Variants in SOBP observed in about 807,000 individuals in gnomAD.
The protein encoded by SOBP is sine oculis-binding protein homolog.
In SOBP, 4 loss-of-function variants were observed where a neutral mutation model predicts 53.6. That is an observed-to-expected ratio of 0.07 (90% CI 0.04 to 0.17). The LOEUF is 0.17. Ranked by LOEUF, SOBP falls within the 10% of genes least tolerant of loss-of-function variation. SOBP has a pLI of 1.00. For missense variants in SOBP, 1,088 were observed against 1,204.7 expected, an observed-to-expected ratio of 0.90 and a Z score of 1.43; for synonymous variants, 584 against 522.6, an observed-to-expected ratio of 1.12 and a Z score of -1.60.
At chr6:107,621,021 T>C (rs576258264) in intron 5 of SOBP, 53 of 214,594 alleles carry the variant, frequency 2.5e-4, no homozygotes, top group African/African-American at 1.2e-3. Flanking sequence ...ACAACTGATA[T>C]GTAATTGTTG....
In SOBP at chr6:107,635,235, G is replaced by A. The variant is rs925324994; in HGVS notation, c.2391G>A (p.Ala797=). The A allele has an allele frequency of 6.2e-7, 1 of 1,613,720 alleles. No homozygotes were observed. Among genetic ancestry groups the A allele is most frequent in the African/African-American group, 1.3e-5 (1 of 74,892 alleles). The change falls in exon 6 of 7, where the codon GCG becomes GCA. Residue 797 remains alanine, a synonymous_variant. Transcript: ENST00000317357. The surrounding 1 kb of genome is among the most constrained non-coding windows in gnomAD (Gnocchi z 4.5). ...AGCTGATGGGCGAGGAGGCCCTGGC[G>A]GGGGGCGACAAGTCAGACCCGAACC... ...AKKLMGEEAL[A]GGDKSDPNLN... is the part of the protein sequence containing the mutation.
At chr6:107,610,565 G>A (rs1277596572) in intron 5 of SOBP, among the ~76,000 whole-genome samples, 1 of 152,184 alleles carries the variant, frequency 6.6e-6, no homozygotes, top group Non-Finnish European at 1.5e-5. Context: ...CAGAATAGTT[G>A]AATCAGAATC....
At chr6:107,497,252 T>A (rs918836098) in intron 1 of SOBP, among the ~76,000 whole-genome samples, 25 of 152,212 alleles carry the variant, frequency 1.6e-4, no homozygotes, top group Admixed American at 4.6e-4. Context: ...TTATAAATTG[T>A]TTGGAATTGG....
intron 2 of SOBP, among the ~76,000 whole-genome samples, chr6:107,505,910 C>G (rs1782979028): frequency 6.6e-6 from 1 of 152,180 alleles, no homozygotes; most frequent in African/African-American, 2.4e-5. Context: ...CTTGGCCTCC[C>G]AAAGTACTGG....
At chr6:107,536,924 A>G (rs1345474073) in intron 4 of SOBP, among the ~76,000 whole-genome samples, 4 of 152,342 alleles carry the variant, frequency 2.6e-5, no homozygotes, top group African/African-American at 9.6e-5. Flanking sequence ...ACAGCGGGTA[A>G]GAAAAATACT....
At position 107,621,162 on chromosome 6, in the gene SOBP, T is replaced by G. The variant is rs1395874286; in HGVS notation, c.670-12352T>G. Reference sequence around the variant, plus strand: ...AATTTATTGGAGGAAAGGAGCTATATAAATAACAGGTGTGTTTAAATATAT... The same window carrying G: ...AATTTATTGGAGGAAAGGAGCTATAGAAATAACAGGTGTGTTTAAATATAT... On this transcript the variant is annotated intron_variant, in intron 5 of 6. Transcript: ENST00000317357. The G allele has an allele frequency of 1.6e-5, 13 of 814,134 alleles. No individual in the cohort carries two copies. The East Asian group carries it at 1.3e-3, about 78-fold the overall frequency. 50.4% of individuals were successfully genotyped at this position (814,134 alleles called of 1,614,324 possible). A position where few individuals can be genotyped will look rare whatever the true frequency, so the allele number is the denominator to read the frequency against.
intron 5 of SOBP, among the ~76,000 whole-genome samples, chr6:107,609,697 C>T (rs1439883765): frequency 1.3e-5 from 2 of 152,040 alleles, no homozygotes; most frequent in Non-Finnish European, 2.9e-5. Flanking sequence ...TGCCTAGCTC[C>T]GTTATGCATA....
chr6:107,635,062 C>A lies in SOBP; in HGVS notation c.2218C>A (p.Pro740Thr), dbSNP rs1770960174. ...CGCCGAGGGCGCTAAGAGCGCGGAG[C>A]CGCCTCCCGAGCAGCCGCCGCCGCC... The part of the protein sequence containing the change: ...AAAEGAKSAE[P>T]PPEQPPPPPP... The change falls in exon 6 of 7, where the codon CCG becomes ACG. Residue 740 changes from proline (P) to threonine (T), a missense_variant. Transcript: ENST00000317357. This position sits in a 1 kb window ranked among gnomAD's most constrained non-coding sequence, Gnocchi z 4.5. 1.3e-6 allele frequency: 2 copies of A among 1,533,790 alleles called. No individual in the cohort carries two copies. The highest frequency in any genetic ancestry group is 1.8e-6 in the Non-Finnish European group (2 of 1,140,360).
rs906684628 is a variant in SOBP, at chr6:107,633,997, A to G, written c.1153A>G (p.Met385Val). 6.2e-7 allele frequency: 1 copy of G among 1,613,824 alleles called. No individual in the cohort carries two copies. Residue 385 changes from methionine (M) to valine (V), a missense_variant, in exon 6 of 7, where the codon ATG (methionine) becomes GTG (valine). By Grantham distance (21) the Met-to-Val change is conservative (BLOSUM62 1). Transcript: ENST00000317357. ...PLGVPPRSPP[M>V]VMTNRGPVPL... ...TGGCGTCCCGCCTCGGAGCCCTCCCATGGTGATGACCAACCGCGGCCCGGT... is the reference window on the plus strand; with the variant it reads ...TGGCGTCCCGCCTCGGAGCCCTCCCGTGGTGATGACCAACCGCGGCCCGGT...
chr6:107,540,751 C>T (rs1278066519), intron 4 of SOBP, among the ~76,000 whole-genome samples: 1 of 152,126 alleles, frequency 6.6e-6, no homozygotes, highest in Non-Finnish European at 1.5e-5. Flanking sequence ...AAGTCCATGT[C>T]CAGCAGTCAC....
intron 4 of SOBP, among the ~76,000 whole-genome samples, chr6:107,555,162 C>G (rs547331262): frequency 6.7e-6 from 1 of 150,026 alleles, no homozygotes; most frequent in East Asian, 2.0e-4. Context: ...CACGCACCTT[C>G]TCAGTGACAG....
chr6:107,563,511 A>G (rs1435125485), intron 4 of SOBP, among the ~76,000 whole-genome samples: 1 of 152,168 alleles, frequency 6.6e-6, no homozygotes, highest in East Asian at 1.9e-4. Flanking sequence ...AAAACTCTGT[A>G]TTTTAGGAAA....
At chr6:107,546,402 A>T (rs1216103037) in intron 4 of SOBP, among the ~76,000 whole-genome samples, 5 of 152,248 alleles carry the variant, frequency 3.3e-5, no homozygotes, top group Admixed American at 6.5e-5. Flanking sequence ...TCCAAAACAT[A>T]TGAAGGAAAT....
At chr6:107,587,824 G>A (rs769092738) in intron 5 of SOBP, among the ~76,000 whole-genome samples, 26 of 152,230 alleles carry the variant, frequency 1.7e-4, no homozygotes, top group South Asian at 8.3e-4. Context: ...AAGCAGGAAT[G>A]CCTATTATAT....
chr6:107,581,177 T>C (rs919621360), intron 4 of SOBP, among the ~76,000 whole-genome samples: 2 of 151,988 alleles, frequency 1.3e-5, no homozygotes, highest in African/African-American at 4.8e-5. Flanking sequence ...ATGCAATAAA[T>C]TGGTGTGGAA....
chr6:107,538,727 A>G (rs1212541717), intron 4 of SOBP, among the ~76,000 whole-genome samples: 1 of 152,162 alleles, frequency 6.6e-6, no homozygotes, highest in Non-Finnish European at 1.5e-5. Flanking sequence ...TGGTCATAGC[A>G]AACGGGTGTT....
chr6:107,618,821 G>C (rs531198889), intron 5 of SOBP, among the ~76,000 whole-genome samples: 27 of 152,190 alleles, frequency 1.8e-4, no homozygotes, highest in Non-Finnish European at 3.5e-4. Flanking sequence ...TCACGCCATA[G>C]GTACTGGTAT....
chr6:107,556,169 G>C (rs1343664312), intron 4 of SOBP, among the ~76,000 whole-genome samples: 1 of 152,176 alleles, frequency 6.6e-6, no homozygotes, highest in East Asian at 1.9e-4. Flanking sequence ...TAATGTAATA[G>C]GGATGTTATA....
chr6:107,635,588 C>T lies in SOBP; in HGVS notation c.*3+119C>T. On this transcript the variant is annotated intron_variant, in intron 6 of 6. Transcript: ENST00000317357. The surrounding 1 kb of genome is among the most constrained non-coding windows in gnomAD (Gnocchi z 4.5). The stretch of plus-strand genomic sequence containing the variant: ...ATTTTACCGTGTGTGTTTTATATTG[C>T]ACACGGTGTGGTCACGCTATCAACA... 5.8e-6 allele frequency: 8 copies of T among 1,370,436 alleles called. No homozygotes were observed. The South Asian group carries it at 9.6e-5, about 16-fold the overall frequency. The allele number at this position is 1,370,436 out of a possible 1,614,324, so 84.9% of individuals were successfully genotyped here.
Sources: gnomAD v4.1 joint callset for allele counts (sites outside exome capture counted in the v4.1 genomes callset) on GRCh38, gnomAD v4.1.1 for gene constraint, Gnocchi (gnomAD v3.1) non-coding constraint, MANE v1.5 for transcripts, NCBI Gene and HGNC (gene_info 2026-07-23, HGNC 2026-07-21) for gene names.